PIEZO2: variants seen among roughly 807,000 people sequenced by gnomAD.
PIEZO2 encodes piezo type mechanosensitive ion channel component 2, also known as piezo-type mechanosensitive ion channel component 2.
PIEZO2 carries 172 observed loss-of-function variants against 337.3 expected under a neutral mutation model. The observed-to-expected ratio is 0.51, with a 90% confidence interval of 0.45 to 0.58. The LOEUF (loss-of-function observed/expected upper bound fraction) is 0.58, where lower values mean the gene tolerates loss of function less well. Among genes scored for constraint, PIEZO2 ranks in the 20% least tolerant of loss-of-function variants. The pLI, the probability that PIEZO2 is intolerant of heterozygous loss-of-function variation, is 0.00. For synonymous variants in PIEZO2, 1,251 were observed against 1,228.5 expected (o/e 1.02, Z -0.38); for missense variants, 3,028 against 3,391.3 (o/e 0.89, Z 2.66).
chr18:11,075,851 C>T (rs1316681756), intron 1 of PIEZO2, among the ~76,000 whole-genome samples: 2 of 147,268 alleles, frequency 1.4e-5, no homozygotes, highest in African/African-American at 2.5e-5. Context: ...TGCAGTGGCG[C>T]GATCTCCGCT....
At position 11,021,381 on chromosome 18, in the gene PIEZO2, C is replaced by CA. The variant is rs2036301621; in HGVS notation, c.161-41722dup. 6.6e-6 allele frequency among the ~76,000 whole-genome samples: 1 copy of CA among 152,182 alleles called. No homozygotes were observed. The highest frequency in any genetic ancestry group is 1.5e-5 in the Non-Finnish European group (1 of 68,032). ...CATTTTCTTTTTCCTTCTACAAAAGCATCCCACTCTTGTATTCCATGCAAC... is the reference window on the plus strand; with the variant it reads ...CATTTTCTTTTTCCTTCTACAAAAGCAATCCCACTCTTGTATTCCATGCAAC... On this transcript the variant is annotated intron_variant, in intron 2 of 55. Transcript: ENST00000674853. This position sits in a 1 kb window ranked among gnomAD's most constrained non-coding sequence, Gnocchi z 4.7.
intron 43 of PIEZO2, among the ~76,000 whole-genome samples, chr18:10,699,957 C>T (rs1467418655): frequency 3.3e-5 from 5 of 152,164 alleles, no homozygotes; most frequent in African/African-American, 1.2e-4. Flanking sequence ...ATCAGTTGGT[C>T]AAAACCAACT....
rs28682962 is a variant in PIEZO2, at chr18:10,718,517, C to T, written c.5030-258G>A. On this transcript the variant is annotated intron_variant, in intron 36 of 55. Transcript: ENST00000674853. ...GCCAGTACTCGTGGGCTGACTGTTG[C>T]CAAATGGCCTGTGAGTTCAGAATGG... Among the ~76,000 whole-genome samples the T allele has an allele frequency of 0.045, 6,879 of 152,118 alleles. 512 individuals are homozygous for T. The highest frequency in any genetic ancestry group is 0.16 in the African/African-American group (6,516 of 41,464).
chr18:10,817,560 G>C (rs2040397806), intron 7 of PIEZO2, among the ~76,000 whole-genome samples: 1 of 152,086 alleles, frequency 6.6e-6, no homozygotes, highest in Non-Finnish European at 1.5e-5. Flanking sequence ...ACCTTCTAAA[G>C]TTCTTCCGTG....
Position 10,878,778 on chromosome 18 carries a change from T to C in PIEZO2, c.330-7363A>G, listed in dbSNP as rs868511772. On this transcript the variant is annotated intron_variant, in intron 4 of 55. Transcript: ENST00000674853. The surrounding 1 kb of genome is among the most constrained non-coding windows in gnomAD (Gnocchi z 4.3). Reference sequence around the variant, plus strand: ...GGTCAGACCATACAAAGCTTGGATGTTTTGAAAAAAAAAAAAAATCACATA... The same window carrying C: ...GGTCAGACCATACAAAGCTTGGATGCTTTGAAAAAAAAAAAAAATCACATA... Among the ~76,000 whole-genome samples, 13 of 142,320 alleles carry C rather than the reference T, an allele frequency of 9.1e-5. No individual in the cohort carries two copies. Among genetic ancestry groups the C allele is most frequent in the African/African-American group, 4.0e-4 (13 of 32,832 alleles). The allele number at this position is 142,320 out of a possible 152,430, so 93.4% of individuals were successfully genotyped here.
chr18:10,915,813 C>T (rs534449513), intron 3 of PIEZO2, among the ~76,000 whole-genome samples: 1 of 152,280 alleles, frequency 6.6e-6, no homozygotes, highest in South Asian at 2.1e-4. Flanking sequence ...GTCTCACTGA[C>T]TTCAAGAATG....
chr18:10,701,142 A>G (rs1274041448), intron 43 of PIEZO2, among the ~76,000 whole-genome samples: 1 of 152,268 alleles, frequency 6.6e-6, no homozygotes, highest in Non-Finnish European at 1.5e-5. Context: ...ATACTCCTGG[A>G]TAAAAGGAAT....
chr18:11,021,454 A>G lies in PIEZO2; in HGVS notation c.161-41794T>C, dbSNP rs1276905891. On this transcript the variant is annotated intron_variant, in intron 2 of 55. Coordinates refer to ENST00000674853, the MANE Select transcript of PIEZO2 (RefSeq NM_001378183.1). This position sits in a 1 kb window ranked among gnomAD's most constrained non-coding sequence, Gnocchi z 4.7. ...TTCCTTCTCTCCTCCTCCCCACTGC[A>G]AGGGCTCCATGAATGCTTTCTTGGT... Among the ~76,000 whole-genome samples the G allele has an allele frequency of 1.3e-5, 2 of 151,784 alleles. No individual in the cohort carries two copies. Among genetic ancestry groups the G allele is most frequent in the Admixed American group, 1.3e-4 (2 of 15,244 alleles).
rs746790840 is a variant in PIEZO2, at chr18:10,697,831, A to G, written c.6744T>C (p.Ser2248=). The G allele has an allele frequency of 3.7e-6, 6 of 1,614,048 alleles. No homozygotes were observed. In the African/African-American group the frequency reaches 6.7e-5, roughly 18 times the overall value. The change falls in exon 45 of 56, where the codon AGT becomes AGC. Residue 2248 remains serine (S), a synonymous_variant. Coordinates refer to ENST00000674853, the MANE Select transcript of PIEZO2 (RefSeq NM_001378183.1). ...GTTCCCTTTTGCCTTTTTGCTTAATACTCAAAACACTGCTTCCTTTTTGAC... is the reference window on the plus strand; with the variant it reads ...GTTCCCTTTTGCCTTTTTGCTTAATGCTCAAAACACTGCTTCCTTTTTGAC... ...NSSQKGSSVL[S]IKQKGKRELY...
intron 17 of PIEZO2, among the ~76,000 whole-genome samples, chr18:10,782,079 T>C (rs1453222415): frequency 2.0e-5 from 3 of 146,344 alleles, no homozygotes; most frequent in Non-Finnish European, 3.0e-5. Context: ...AATATATATA[T>C]ATATTTAAAC....
chr18:10,897,660 G>A (rs1231240579), intron 4 of PIEZO2, among the ~76,000 whole-genome samples: 2 of 152,100 alleles, frequency 1.3e-5, no homozygotes, highest in South Asian at 2.1e-4. Flanking sequence ...ACCCAGTCTC[G>A]GGTATGTCTT....
At chr18:10,921,526 C>T (rs908017264) in intron 3 of PIEZO2, among the ~76,000 whole-genome samples, 2 of 152,074 alleles carry the variant, frequency 1.3e-5, no homozygotes, top group African/African-American at 4.8e-5. Flanking sequence ...CTCTTAATCC[C>T]ATCAGCTGAG....
rs964379859 is a variant in PIEZO2, at chr18:11,035,117, G to A, written c.160+31010C>T. Reference sequence around the variant, plus strand: ...ATTACAGAGTGTGTAGAAGGGGATGGAGCTGAGGGCTGCTTCTGACTCCTG... The same window carrying A: ...ATTACAGAGTGTGTAGAAGGGGATGAAGCTGAGGGCTGCTTCTGACTCCTG... On this transcript the variant is annotated intron_variant, in intron 2 of 55. Coordinates refer to ENST00000674853, the MANE Select transcript of PIEZO2 (RefSeq NM_001378183.1). This position sits in a 1 kb window ranked among gnomAD's most constrained non-coding sequence, Gnocchi z 4.3. Among the ~76,000 whole-genome samples the A allele has an allele frequency of 6.6e-6, 1 of 152,140 alleles. No homozygotes were observed. Among genetic ancestry groups the A allele is most frequent in the South Asian group, 2.1e-4 (1 of 4,818 alleles).
chr18:11,133,375 A>T (rs144654587), intron 1 of PIEZO2, among the ~76,000 whole-genome samples: 38 of 152,254 alleles, frequency 2.5e-4, no homozygotes, highest in African/African-American at 8.7e-4. Context: ...GGAAATGTGT[A>T]TGGGTTCAAG....
At chr18:11,008,309 A>C (rs1355950353) in intron 2 of PIEZO2, among the ~76,000 whole-genome samples, 1 of 152,208 alleles carries the variant, frequency 6.6e-6, no homozygotes, top group African/African-American at 2.4e-5. Context: ...TCTGCATTGA[A>C]AATAGGCCCA....
chr18:11,082,980 G>A lies in PIEZO2; in HGVS notation c.65-16758C>T, dbSNP rs77575367. ...CCAACTGCACCTGACTGATGGAATC[G>A]GCAGCATCCTTTGAGTAGGAGGTGG... On this transcript the variant is annotated intron_variant, in intron 1 of 55. Transcript: ENST00000674853. 6.4e-4 allele frequency among the ~76,000 whole-genome samples: 98 copies of A among 152,240 alleles called. 2 individuals carry two copies. The East Asian group carries it at 0.017, about 26-fold the overall frequency.
chr18:10,708,185 C>T (rs1365295987), intron 40 of PIEZO2, 90 bp downstream of exon 40: 1 of 152,158 alleles, frequency 6.6e-6, no homozygotes. Context: ...GAAATAAAAA[C>T]ATACATCACA....
chr18:11,071,064 A>G (rs1226743015), intron 1 of PIEZO2, among the ~76,000 whole-genome samples: 1 of 152,132 alleles, frequency 6.6e-6, no homozygotes, highest in Non-Finnish European at 1.5e-5. Flanking sequence ...TTATTGCAAT[A>G]AAAATGCAAT....
chr18:10,881,773 C>T (rs2042426774), intron 4 of PIEZO2, among the ~76,000 whole-genome samples: 1 of 152,168 alleles, frequency 6.6e-6, no homozygotes, highest in East Asian at 1.9e-4. Flanking sequence ...ATAAAACTCA[C>T]TCCTTTTGTC....
Sources: gnomAD v4.1 joint callset for allele counts (sites outside exome capture counted in the v4.1 genomes callset) on GRCh38, gnomAD v4.1.1 for gene constraint, Gnocchi (gnomAD v3.1) non-coding constraint, MANE v1.5 for transcripts, NCBI Gene and HGNC (gene_info 2026-07-23, HGNC 2026-07-21) for gene names.